The following AGBL4 variants were observed in gnomAD, a reference collection of about 807,000 sequenced individuals.
AGBL4 encodes cytosolic carboxypeptidase 6.
AGBL4 carries 58 observed loss-of-function variants against 66.4 expected under a neutral mutation model. That is an observed-to-expected ratio of 0.87 (90% CI 0.71 to 1.09). The LOEUF is 1.09. Ranked by LOEUF, AGBL4 falls within the 50% of genes least tolerant of loss-of-function variation. The pLI, the probability that AGBL4 is intolerant of heterozygous loss-of-function variation, is 0.00. For missense variants in AGBL4, 579 were observed against 631.0 expected, an observed-to-expected ratio of 0.92 and a Z score of 0.88; for synonymous variants, 234 against 222.9, an observed-to-expected ratio of 1.05 and a Z score of -0.44.
At chr1:49,656,809 T>C (rs898865239) in intron 3 of AGBL4, among the ~76,000 whole-genome samples, 3 of 152,100 alleles carry the variant, frequency 2.0e-5, no homozygotes, top group Non-Finnish European at 4.4e-5. Flanking sequence ...TTCAACAACT[T>C]TTCATGCTAA....
chr1:48,920,595 T>G (rs1653996590), intron 5 of AGBL4, among the ~76,000 whole-genome samples: 1 of 152,180 alleles, frequency 6.6e-6, no homozygotes, highest in Non-Finnish European at 1.5e-5. Flanking sequence ...GAGGTAAGAA[T>G]AATTACTGCC....
chr1:49,444,950 T>C (rs1006257771), intron 3 of AGBL4, among the ~76,000 whole-genome samples: 1 of 151,962 alleles, frequency 6.6e-6, no homozygotes, highest in African/African-American at 2.4e-5. Flanking sequence ...TGAGCTTTTT[T>C]TTTTCTTTTT....
At chr1:49,850,532 A>G (rs913094152) in intron 2 of AGBL4, among the ~76,000 whole-genome samples, 4 of 152,186 alleles carry the variant, frequency 2.6e-5, no homozygotes, top group Non-Finnish European at 5.9e-5. Flanking sequence ...GTACTTTGTT[A>G]TATCAGCCTT....
chr1:49,330,418 C>CAAAAT lies in AGBL4; in HGVS notation c.283-84559_283-84555dup, dbSNP rs1395146690. 3.3e-5 allele frequency among the ~76,000 whole-genome samples: 5 copies of CAAAAT among 151,696 alleles called. No individual in the cohort carries two copies. In the East Asian group the frequency reaches 9.7e-4, roughly 29 times the overall value. ...TGGGTGACAGAGCGAGACTGTGTCT[C>CAAAAT]AAAATAAAATAAAATAAAATTCTTC... On this transcript the variant is annotated intron_variant, in intron 3 of 13. Coordinates refer to ENST00000371839, the MANE Select transcript of AGBL4 (RefSeq NM_032785.4).
At chr1:49,555,275 G>T (rs1292817706) in intron 3 of AGBL4, among the ~76,000 whole-genome samples, 1 of 150,136 alleles carries the variant, frequency 6.7e-6, no homozygotes, top group Non-Finnish European at 1.5e-5. Flanking sequence ...AGACACAAAA[G>T]TTCTCCAAGT....
intron 5 of AGBL4, among the ~76,000 whole-genome samples, chr1:49,007,962 G>A (rs996472377): frequency 2.0e-4 from 31 of 151,978 alleles, no homozygotes; most frequent in African/African-American, 7.0e-4. Flanking sequence ...GGAAGAAACT[G>A]CATCAACTAA....
intron 9 of AGBL4, among the ~76,000 whole-genome samples, chr1:48,602,831 C>T (rs1172359987): frequency 6.6e-6 from 1 of 152,184 alleles, no homozygotes; most frequent in Non-Finnish European, 1.5e-5. Flanking sequence ...TCTCTTCTCC[C>T]TCTTCATTCC....
chr1:49,815,024 C>A (rs1339103801), intron 2 of AGBL4, among the ~76,000 whole-genome samples: 3 of 152,092 alleles, frequency 2.0e-5, no homozygotes, highest in African/African-American at 7.2e-5. Context: ...TACAAACAAT[C>A]CAATTATACT....
At chr1:49,395,800 C>CATATATATATGTATACATATATATATAT (rs1477156867) in intron 3 of AGBL4, among the ~76,000 whole-genome samples, 1 of 118,070 alleles carries the variant, frequency 8.5e-6, no homozygotes, top group Non-Finnish European at 1.7e-5. Flanking sequence ...TATATATATA[C>CATATATATATGTATACATATATATATAT]ATATATATAT....
At chr1:49,391,671 C>T (rs1463802842) in intron 3 of AGBL4, among the ~76,000 whole-genome samples, 5 of 150,990 alleles carry the variant, frequency 3.3e-5, no homozygotes, top group African/African-American at 1.2e-4. Context: ...ACACCATTCT[C>T]CTGCCTCAGC....
chr1:48,926,178 C>T (rs1654543747), intron 5 of AGBL4, among the ~76,000 whole-genome samples: 1 of 152,142 alleles, frequency 6.6e-6, no homozygotes, highest in Admixed American at 6.5e-5. Context: ...TCAAGAAGAG[C>T]AAGACGCTTG....
At position 49,581,661 on chromosome 1, in the gene AGBL4, G is replaced by A. The variant is rs556550972; in HGVS notation, c.282+115652C>T. 6.6e-5 allele frequency among the ~76,000 whole-genome samples: 10 copies of A among 152,274 alleles called. No individual in the cohort carries two copies. The South Asian group carries it at 1.9e-3, about 28-fold the overall frequency. On this transcript the variant is annotated intron_variant, in intron 3 of 13. Coordinates refer to ENST00000371839, the MANE Select transcript of AGBL4 (RefSeq NM_032785.4). ...GTGTTAGGGCATGGTTATTGATGGA[G>A]GCTTTGTTGCAGTTGTGCTGGATAT...
At chr1:49,122,755 T>A (rs1397651693) in intron 4 of AGBL4, among the ~76,000 whole-genome samples, 1 of 152,224 alleles carries the variant, frequency 6.6e-6, no homozygotes, top group Non-Finnish European at 1.5e-5. Context: ...TAACTTTTAA[T>A]GTTTTTTATA....
At chr1:48,746,366 C>T (rs927356042) in intron 6 of AGBL4, among the ~76,000 whole-genome samples, 1 of 152,132 alleles carries the variant, frequency 6.6e-6, no homozygotes, top group African/African-American at 2.4e-5. Context: ...GCCCCTAGTG[C>T]TTAGCACAGG....
chr1:49,892,059 G>A (rs1648712044), intron 1 of AGBL4, among the ~76,000 whole-genome samples: 1 of 152,068 alleles, frequency 6.6e-6, no homozygotes, highest in South Asian at 2.1e-4. Flanking sequence ...AGAGCATGAT[G>A]GCCAAATAAA....
At chr1:49,785,293 A>G (rs1386577505) in intron 2 of AGBL4, among the ~76,000 whole-genome samples, 1 of 152,214 alleles carries the variant, frequency 6.6e-6, no homozygotes, top group Non-Finnish European at 1.5e-5. Flanking sequence ...ATGATAATGT[A>G]TGTTACAAAA....
chr1:49,261,592 C>G (rs1653174533), intron 3 of AGBL4, among the ~76,000 whole-genome samples: 1 of 151,792 alleles, frequency 6.6e-6, no homozygotes, highest in Admixed American at 6.6e-5. Context: ...CCTAGGAATC[C>G]AACTTACAAG....
chr1:48,729,231 A>G (rs183557153), intron 6 of AGBL4, among the ~76,000 whole-genome samples: 1 of 152,332 alleles, frequency 6.6e-6, no homozygotes, highest in East Asian at 1.9e-4. Context: ...ATTAATTCCT[A>G]GGGCCTAACA....
intron 3 of AGBL4, among the ~76,000 whole-genome samples, chr1:49,690,817 G>A (rs1646873075): frequency 6.6e-6 from 1 of 152,130 alleles, no homozygotes; most frequent in South Asian, 2.1e-4. Flanking sequence ...ATTAAATTTA[G>A]TGTTTTATTT....
Sources: allele counts gnomAD v4.1 joint callset (sites outside exome capture counted in the v4.1 genomes callset), GRCh38; gene constraint gnomAD v4.1.1; transcripts MANE v1.5; gene names NCBI Gene and HGNC (gene_info 2026-07-23, HGNC 2026-07-21).